The following SPAG1 variants were observed in gnomAD, a reference collection of about 807,000 sequenced individuals.
SPAG1 encodes the protein sperm associated antigen 1, also known as sperm-associated antigen 1.
In SPAG1, 69 loss-of-function variants were observed where a neutral mutation model predicts 100.5. The ratio of observed to expected loss-of-function variants is 0.69; its 90% confidence interval spans 0.57 to 0.84. The LOEUF (loss-of-function observed/expected upper bound fraction) is 0.84. Among genes scored for constraint, SPAG1 ranks in the 40% least tolerant of loss-of-function variants. The pLI, the probability that SPAG1 is intolerant of heterozygous loss-of-function variation, is 0.00. For synonymous variants in SPAG1, 336 were observed against 411.6 expected (o/e 0.82, Z 2.22); for missense variants, 955 against 1,133.1 (o/e 0.84, Z 2.26).
chr8:100,226,986 C>T (rs867494471), intron 14 of SPAG1, among the ~76,000 whole-genome samples: 11 of 152,102 alleles, frequency 7.2e-5, no homozygotes, highest in Non-Finnish European at 1.5e-4. Flanking sequence ...TTACAGTTGC[C>T]CACAGTATTC....
At chr8:100,184,870 C>T in intron 7 of SPAG1, 137 bp downstream of exon 7, 1 of 585,984 alleles carries the variant, frequency 1.7e-6, no homozygotes, top group Non-Finnish European at 2.9e-6. Context: ...CATATATTCA[C>T]TTGTGTTTCT....
chr8:100,227,892 G>T (rs1176667540), intron 14 of SPAG1, among the ~76,000 whole-genome samples: 2 of 136,878 alleles, frequency 1.5e-5, no homozygotes, highest in African/African-American at 5.7e-5. Flanking sequence ...TGTTGCGCAG[G>T]CTGGGGTGCA....
chr8:100,170,827 TTA>T lies in SPAG1; in HGVS notation c.300+4856_300+4857del, dbSNP rs1323385586. On this transcript the variant is annotated intron_variant, in intron 3 of 18. Coordinates refer to ENST00000388798, the MANE Select transcript of SPAG1 (RefSeq NM_003114.5). ...TTTATTTATTTATTTATTTATTTATTTATTTATTTATTTATTTATTTATTTTT... is the reference window on the plus strand; with the variant it reads ...TTTATTTATTTATTTATTTATTTATTTTTATTTATTTATTTATTTATTTTT... Among the ~76,000 whole-genome samples the T allele has an allele frequency of 3.6e-3, 521 of 145,462 alleles. 1 individual carries two copies. Among genetic ancestry groups the T allele is most frequent in the Non-Finnish European group, 5.9e-3 (384 of 64,898 alleles).
At chr8:100,159,213 C>A (rs929285186) in intron 1 of SPAG1, among the ~76,000 whole-genome samples, 1 of 152,198 alleles carries the variant, frequency 6.6e-6, no homozygotes, top group Non-Finnish European at 1.5e-5. Context: ...TCTAAGGCAA[C>A]CCATTCTATT....
chr8:100,239,194 C>T lies in SPAG1; in HGVS notation c.2116-46C>T. ...CCACTCCCACTCAGGTTACTCTAGG[C>T]TCCTTCTATTTATGAAAGTTATTTT... On this transcript the variant is annotated intron_variant, in intron 16 of 18. Transcript: ENST00000388798. The surrounding 1 kb of genome is among the most constrained non-coding windows in gnomAD (Gnocchi z 5.0). 7.7e-7 allele frequency: 1 copy of T among 1,291,906 alleles called. No individual in the cohort carries two copies. The highest frequency in any genetic ancestry group is 1.5e-5 in the South Asian group (1 of 67,030). 80.0% of individuals were successfully genotyped at this position (1,291,906 alleles called of 1,614,324 possible).
intron 16 of SPAG1, among the ~76,000 whole-genome samples, chr8:100,233,766 T>C (rs910070158): frequency 1.3e-5 from 2 of 152,244 alleles, no homozygotes; most frequent in Non-Finnish European, 2.9e-5. Flanking sequence ...AAATAATGAT[T>C]TATTCTCTAG....
intron 11 of SPAG1, 149 bp from the exon 12 acceptor site, chr8:100,213,670 G>A (rs555396700): frequency 3.4e-6 from 2 of 586,452 alleles, no homozygotes; most frequent in Non-Finnish European, 2.9e-6. Context: ...CTTGGTGGCT[G>A]TTGCGGGTAG....
Position 100,217,544 on chromosome 8 carries a change from C to T in SPAG1, c.1536-2735C>T, listed in dbSNP as rs1037235818. ...CAGCATCTCCATGACTCTTTTAGAC[C>T]TCCAGGTGAAACATGAAAAGGGGTT... On this transcript the variant is annotated intron_variant, in intron 12 of 18. Transcript: ENST00000388798. 7.2e-5 allele frequency among the ~76,000 whole-genome samples: 11 copies of T among 152,122 alleles called. 1 individual carries two copies. Among genetic ancestry groups the T allele is most frequent in the South Asian group, 6.2e-4 (3 of 4,808 alleles).
chr8:100,220,772 T>A (rs1225802236), intron 13 of SPAG1, among the ~76,000 whole-genome samples: 1 of 152,128 alleles, frequency 6.6e-6, no homozygotes, highest in Non-Finnish European at 1.5e-5. Context: ...TACATAGATA[T>A]CATAAAATCA....
At chr8:100,207,084 G>T (rs1170813237) in intron 10 of SPAG1, among the ~76,000 whole-genome samples, 1 of 152,222 alleles carries the variant, frequency 6.6e-6, no homozygotes, top group Non-Finnish European at 1.5e-5. Context: ...ACAGCTCTTG[G>T]CCTGTTACTG....
chr8:100,176,171 G>C (rs1382402256), intron 3 of SPAG1, among the ~76,000 whole-genome samples: 1 of 152,132 alleles, frequency 6.6e-6, no homozygotes, highest in African/African-American at 2.4e-5. Flanking sequence ...TTGGTTGGGA[G>C]AAGGTGCTTT....
At chr8:100,228,661 C>T (rs773620804) in intron 14 of SPAG1, among the ~76,000 whole-genome samples, 1 of 151,654 alleles carries the variant, frequency 6.6e-6, no homozygotes, top group Non-Finnish European at 1.5e-5. Context: ...TGTGGTGAGC[C>T]GAGATTGCAC....
intron 7 of SPAG1, among the ~76,000 whole-genome samples, chr8:100,185,818 G>A (rs1033267719): frequency 6.6e-6 from 1 of 152,092 alleles, no homozygotes; most frequent in South Asian, 2.1e-4. Context: ...GAAGATACGA[G>A]GTAAAGAGGA....
chr8:100,198,799 C>T (rs889670536), intron 10 of SPAG1, among the ~76,000 whole-genome samples: 26 of 152,134 alleles, frequency 1.7e-4, no homozygotes, highest in African/African-American at 6.3e-4. Flanking sequence ...TTTACCCTTC[C>T]CCTGGCCCCT....
chr8:100,216,909 T>C lies in SPAG1; in HGVS notation c.1535+2991T>C, dbSNP rs193014192. On this transcript the variant is annotated intron_variant, in intron 12 of 18. Coordinates refer to ENST00000388798, the MANE Select transcript of SPAG1 (RefSeq NM_003114.5). ...TAGTTTTTCAGTTAATTATCTTTGCTCTTTGGAGAGTTCCATGAGTTCTTT... is the reference window on the plus strand; with the variant it reads ...TAGTTTTTCAGTTAATTATCTTTGCCCTTTGGAGAGTTCCATGAGTTCTTT... Among the ~76,000 whole-genome samples the C allele has an allele frequency of 9.3e-5, 14 of 151,030 alleles. No homozygotes were observed. The East Asian group carries it at 1.7e-3, about 19-fold the overall frequency.
chr8:100,215,717 G>C (rs1012279484), intron 12 of SPAG1, among the ~76,000 whole-genome samples: 1 of 152,114 alleles, frequency 6.6e-6, no homozygotes, highest in South Asian at 2.1e-4. Context: ...GTAGAGACGG[G>C]GTTTCACAGT....
chr8:100,238,156 C>A (rs897802741), intron 16 of SPAG1, among the ~76,000 whole-genome samples: 1 of 152,178 alleles, frequency 6.6e-6, no homozygotes, highest in African/African-American at 2.4e-5. Context: ...CTGCCTAGAA[C>A]GCTTAGGATA....
intron 8 of SPAG1, among the ~76,000 whole-genome samples, chr8:100,189,479 A>G (rs1816725895): frequency 6.6e-6 from 1 of 151,876 alleles, no homozygotes; most frequent in Non-Finnish European, 1.5e-5. Flanking sequence ...TCCATCTCAA[A>G]AAAAACCATA....
At position 100,184,713 on chromosome 8, in the gene SPAG1, A is replaced by G. The variant is rs1397679725; in HGVS notation, c.681A>G (p.Glu227=). Residue 227 remains glutamate, a synonymous_variant, in exon 7 of 19, where the codon GAA becomes GAG. Transcript: ENST00000388798. The part of the protein sequence containing the change: ...NEAFNSGDYE[E]AVMYYTRSIS... The stretch of plus-strand genomic sequence containing the variant: ...CTTTCAACTCAGGAGATTATGAAGA[A>G]GCAGTGATGTATTATACCAGGTGAG... 6.3e-7 allele frequency: 1 copy of G among 1,585,660 alleles called. No individual in the cohort carries two copies. Among genetic ancestry groups the G allele is most frequent in the African/African-American group, 1.4e-5 (1 of 73,022 alleles).
Sources: allele counts gnomAD v4.1 joint callset (sites outside exome capture counted in the v4.1 genomes callset), GRCh38; gene constraint gnomAD v4.1.1; non-coding constraint Gnocchi (gnomAD v3.1); transcripts MANE v1.5; gene names NCBI Gene and HGNC (gene_info 2026-07-23, HGNC 2026-07-21).